The following ADGRB3 variants were observed in gnomAD, a reference collection of about 807,000 sequenced individuals.
ADGRB3 encodes the protein brain-specific angiogenesis inhibitor 3.
In ADGRB3, 37 loss-of-function variants were observed where a neutral mutation model predicts 193.4. The ratio of observed to expected loss-of-function variants is 0.19; its 90% CI spans 0.15 to 0.25. ADGRB3 has a LOEUF of 0.25. Among genes scored for constraint, ADGRB3 ranks in the 10% least tolerant of loss-of-function variants. ADGRB3 has a pLI of 1.00. For missense variants in ADGRB3, 1,637 were observed against 1,852.9 expected, an observed-to-expected ratio of 0.88 and a Z score of 2.14; for synonymous variants, 690 against 644.2, an observed-to-expected ratio of 1.07 and a Z score of -1.08.
intron 17 of ADGRB3, among the ~76,000 whole-genome samples, chr6:69,101,715 G>A (rs1258888163): frequency 9.2e-5 from 14 of 152,018 alleles, no homozygotes; most frequent in Admixed American, 9.2e-4. Flanking sequence ...GAGTGTGTGT[G>A]TGTGTATGAC....
chr6:68,898,732 G>T (rs1179262891), intron 3 of ADGRB3, among the ~76,000 whole-genome samples: 1 of 151,996 alleles, frequency 6.6e-6, no homozygotes, highest in Non-Finnish European at 1.5e-5. Flanking sequence ...CTATCAACAG[G>T]GATAATTCAT....
chr6:68,776,536 A>T (rs961598116), intron 3 of ADGRB3, among the ~76,000 whole-genome samples: 5 of 152,148 alleles, frequency 3.3e-5, no homozygotes, highest in Admixed American at 6.6e-5. Flanking sequence ...ACTTTCTGCT[A>T]AATGCAGACT....
intron 13 of ADGRB3, among the ~76,000 whole-genome samples, chr6:69,047,926 C>T (rs1041805190): frequency 6.6e-6 from 1 of 152,136 alleles, no homozygotes; most frequent in Non-Finnish European, 1.5e-5. Context: ...TGTTAATACT[C>T]TCAGAATATC....
chr6:68,955,418 A>G (rs1258986151), intron 6 of ADGRB3, among the ~76,000 whole-genome samples: 7 of 152,164 alleles, frequency 4.6e-5, no homozygotes, highest in Admixed American at 4.6e-4. Context: ...TCACTATTTC[A>G]TGTACCCCAT....
rs567550654 is a variant in ADGRB3, at chr6:69,053,557, C to T, written c.2333+4211C>T. Among the ~76,000 whole-genome samples the T allele has an allele frequency of 4.6e-5, 7 of 152,294 alleles. No homozygotes were observed. The East Asian group carries it at 1.4e-3, about 29-fold the overall frequency. Reference sequence around the variant, plus strand: ...ACTGGGGCTGGCCTGGTGGCCCCAGCCCAGGCTGTCAATACCAAGGCTTGA... The same window carrying T: ...ACTGGGGCTGGCCTGGTGGCCCCAGTCCAGGCTGTCAATACCAAGGCTTGA... On this transcript the variant is annotated intron_variant, in intron 15 of 31. Transcript: ENST00000370598.
intron 17 of ADGRB3, among the ~76,000 whole-genome samples, chr6:69,083,398 G>A (rs1772449249): frequency 6.6e-6 from 1 of 152,086 alleles, no homozygotes; most frequent in Non-Finnish European, 1.5e-5. Flanking sequence ...TCATTCATTT[G>A]ACAAATGTTT....
intron 29 of ADGRB3, among the ~76,000 whole-genome samples, chr6:69,365,810 A>C (rs547706743): frequency 2.0e-5 from 3 of 152,198 alleles, no homozygotes; most frequent in East Asian, 1.9e-4. Context: ...TGGTTTTTAA[A>C]GGTAAAATAT....
intron 20 of ADGRB3, among the ~76,000 whole-genome samples, chr6:69,244,813 C>T (rs1766459024): frequency 6.6e-6 from 1 of 152,046 alleles, no homozygotes; most frequent in Admixed American, 6.6e-5. Context: ...GTATGGAGCA[C>T]TTAACCCAGA....
chr6:68,953,733 T>C (rs1173067967), intron 6 of ADGRB3, among the ~76,000 whole-genome samples: 2 of 152,210 alleles, frequency 1.3e-5, no homozygotes, highest in African/African-American at 4.8e-5. Flanking sequence ...CATAAAGGGT[T>C]TATTAAGTAC....
chr6:68,975,435 T>A, intron 10 of ADGRB3, 95 bp downstream of exon 10: 1 of 872,532 alleles, frequency 1.1e-6, no homozygotes, highest in Non-Finnish European at 1.8e-6. Context: ...ATCAAATCAG[T>A]AACATCTCTA....
At chr6:68,710,230 A>T (rs1374059615) in intron 3 of ADGRB3, among the ~76,000 whole-genome samples, 2 of 152,182 alleles carry the variant, frequency 1.3e-5, no homozygotes, top group African/African-American at 2.4e-5. Flanking sequence ...TAACAAAAGA[A>T]TCATTCCCTG....
chr6:68,851,768 C>T (rs1768407632), intron 3 of ADGRB3, among the ~76,000 whole-genome samples: 2 of 151,682 alleles, frequency 1.3e-5, no homozygotes, highest in East Asian at 1.9e-4. Context: ...CATATTGTAT[C>T]GGGATATTCT....
At chr6:68,997,235 C>A (rs1769410297) in intron 11 of ADGRB3, among the ~76,000 whole-genome samples, 1 of 152,072 alleles carries the variant, frequency 6.6e-6, no homozygotes, top group Admixed American at 6.5e-5. Context: ...AATAAACATA[C>A]ACAGGCACAT....
intron 3 of ADGRB3, among the ~76,000 whole-genome samples, chr6:68,929,053 C>A (rs1030363673): frequency 6.6e-6 from 1 of 152,032 alleles, no homozygotes; most frequent in Non-Finnish European, 1.5e-5. Flanking sequence ...ATGGTTTAGA[C>A]ACCACATACA....
intron 3 of ADGRB3, among the ~76,000 whole-genome samples, chr6:68,705,174 G>A (rs1321432490): frequency 1.3e-5 from 2 of 152,140 alleles, no homozygotes; most frequent in East Asian, 3.9e-4. Context: ...TAAACATGAA[G>A]AGTAGCCTAG....
At chr6:68,640,906 G>T (rs574500174) in intron 3 of ADGRB3, among the ~76,000 whole-genome samples, 4 of 152,322 alleles carry the variant, frequency 2.6e-5, no homozygotes, top group Admixed American at 2.6e-4. Context: ...CTGCAGGTCA[G>T]TGTTTCACTA....
At chr6:69,242,732 G>A (rs189471184) in intron 20 of ADGRB3, among the ~76,000 whole-genome samples, 57 of 152,004 alleles carry the variant, frequency 3.7e-4, no homozygotes, top group Non-Finnish European at 6.3e-4. Context: ...TTAAAATGCA[G>A]TTGTAATATT....
intron 17 of ADGRB3, among the ~76,000 whole-genome samples, chr6:69,184,022 G>A (rs970849845): frequency 6.6e-6 from 1 of 152,050 alleles, no homozygotes; most frequent in Non-Finnish European, 1.5e-5. Flanking sequence ...AAACATGTTA[G>A]GATATGTAAA....
chr6:69,119,752 A>T (rs546705186), intron 17 of ADGRB3, among the ~76,000 whole-genome samples: 2 of 152,292 alleles, frequency 1.3e-5, no homozygotes, highest in Admixed American at 6.5e-5. Flanking sequence ...GAGCATGGAG[A>T]GCTCAGAGAG....
Sources: gnomAD v4.1 joint callset for allele counts (sites outside exome capture counted in the v4.1 genomes callset) on GRCh38, gnomAD v4.1.1 for gene constraint, MANE v1.5 for transcripts, NCBI Gene and HGNC (gene_info 2026-07-23, HGNC 2026-07-21) for gene names.